Variants in FBXO8 observed in about 807,000 individuals in gnomAD.
FBXO8 encodes F-box protein 8.
A neutral mutation model predicts 33.4 loss-of-function variants in FBXO8; 15 were observed. The observed-to-expected ratio is 0.45, with a 90% CI of 0.30 to 0.69. The LOEUF (loss-of-function observed/expected upper bound fraction) is 0.69. FBXO8 is among the 30% of genes least tolerant of loss of function. FBXO8 has a pLI of 0.08. For synonymous variants in FBXO8, 132 were observed against 131.5 expected (o/e 1.00, Z -0.02); for missense variants, 274 against 380.3 (o/e 0.72, Z 2.32).
At position 174,252,630 on chromosome 4, in the gene FBXO8, T is replaced by G. The variant is rs143553999; in HGVS notation, c.456+7069A>C. 3.5e-3 allele frequency among the ~76,000 whole-genome samples: 537 copies of G among 151,742 alleles called. 2 individuals carry two copies. The highest frequency in any genetic ancestry group is 0.014 in the Middle Eastern group (4 of 294). On this transcript the variant is annotated intron_variant, in intron 3 of 5. Transcript: ENST00000393674. This position sits in a 1 kb window ranked among gnomAD's most constrained non-coding sequence, Gnocchi z 5.1. ...AATGCCTAGAGGTGTACATGACACA[T>G]GTACTTGTGCATGTGAGTGCATGCA...
Position 174,281,147 on chromosome 4 carries a change from G to C in FBXO8, c.-9+2263C>G, listed in dbSNP as rs1355414827. Among the ~76,000 whole-genome samples the C allele has an allele frequency of 6.6e-6, 1 of 152,060 alleles. No homozygotes were observed. The highest frequency in any genetic ancestry group is 1.5e-5 in the Non-Finnish European group (1 of 68,012). On this transcript the variant is annotated intron_variant, in intron 1 of 5. Transcript: ENST00000393674. The surrounding 1 kb of genome is among the most constrained non-coding windows in gnomAD (Gnocchi z 4.6). Reference sequence around the variant, plus strand: ...TTAATAAATAAAAGAAGAGATGATGGCGTGCGTGTGTGTGTATTTAACATC... The same window carrying C: ...TTAATAAATAAAAGAAGAGATGATGCCGTGCGTGTGTGTGTATTTAACATC...
At position 174,239,060 on chromosome 4, in the gene FBXO8, T is replaced by A. The variant is rs137914743; in HGVS notation, c.706A>T (p.Thr236Ser). 3.2e-5 allele frequency: 52 copies of A among 1,607,212 alleles called. No homozygotes were observed. In the African/African-American group the frequency reaches 6.4e-4, roughly 20 times the overall value. ...GCACAGAATCTATGTGAGAACTTTG[T>A]TATAAGAGTTTCAAGATACTCTCCA... is the stretch of plus-strand genomic sequence containing the variant. ...ERGEYLETLI[T>S]KFSHRFCACN... Residue 236 changes from threonine (T) to serine (S), a missense_variant, in exon 5 of 6, where the codon ACA (threonine) becomes TCA (serine). Coordinates refer to ENST00000393674, the MANE Select transcript of FBXO8 (RefSeq NM_012180.3).
At chr4:174,268,640 G>A (rs1266174023) in intron 1 of FBXO8, among the ~76,000 whole-genome samples, 1 of 152,060 alleles carries the variant, frequency 6.6e-6, no homozygotes, top group African/African-American at 2.4e-5. Context: ...GTTTCACCGT[G>A]TTAGCCAGGA....
chr4:174,248,224 C>A lies in FBXO8; in HGVS notation c.457-7006G>T, dbSNP rs114227707. Reference sequence around the variant, plus strand: ...GTTTAACACTGACCTTGAGCACATACATAACAGAAATGTCACACATTGCTT... The same window carrying A: ...GTTTAACACTGACCTTGAGCACATAAATAACAGAAATGTCACACATTGCTT... On this transcript the variant is annotated intron_variant, in intron 3 of 5. Transcript: ENST00000393674. 8.5e-3 allele frequency among the ~76,000 whole-genome samples: 1,288 copies of A among 152,126 alleles called. 21 individuals are homozygous for A. The highest frequency in any genetic ancestry group is 0.03 in the African/African-American group (1,238 of 41,498).
chr4:174,277,200 G>A lies in FBXO8; in HGVS notation c.-9+6210C>T, dbSNP rs1014984475. ...TATACTTTTTAACTTCTAGAAGATC[G>A]TTACATTTCTAAGAGATGGTATTTT... On this transcript the variant is annotated intron_variant, in intron 1 of 5. Coordinates refer to ENST00000393674, the MANE Select transcript of FBXO8 (RefSeq NM_012180.3). This position sits in a 1 kb window ranked among gnomAD's most constrained non-coding sequence, Gnocchi z 4.9. Among the ~76,000 whole-genome samples, 1 of 151,986 alleles carries A rather than the reference G, an allele frequency of 6.6e-6. No individual in the cohort carries two copies. The highest frequency in any genetic ancestry group is 6.6e-5 in the Admixed American group (1 of 15,262).
chr4:174,246,555 G>A (rs1426309050), intron 3 of FBXO8, among the ~76,000 whole-genome samples: 2 of 150,704 alleles, frequency 1.3e-5, no homozygotes, highest in Non-Finnish European at 3.0e-5. Context: ...GTACAAAGGA[G>A]GAAAAAATGG....
rs773096273 is a variant in FBXO8, at chr4:174,259,512, C to T, written c.456+187G>A. On this transcript the variant is annotated intron_variant, in intron 3 of 5. Transcript: ENST00000393674. This position sits in a 1 kb window ranked among gnomAD's most constrained non-coding sequence, Gnocchi z 4.3. ...AAGTGAACAGGTAGAAAGGTTAGAA[C>T]GTGACATGGTAAGGCGAAGAAAAAT... Among the ~76,000 whole-genome samples the T allele has an allele frequency of 8.6e-5, 13 of 151,978 alleles. No individual in the cohort carries two copies. The highest frequency in any genetic ancestry group is 1.9e-4 in the African/African-American group (8 of 41,414).
Position 174,274,023 on chromosome 4 carries a change from C to T in FBXO8, c.-9+9387G>A, listed in dbSNP as rs1434991704. Among the ~76,000 whole-genome samples the T allele has an allele frequency of 1.3e-5, 2 of 152,106 alleles. No individual in the cohort carries two copies. The highest frequency in any genetic ancestry group is 6.5e-5 in the Admixed American group (1 of 15,268). On this transcript the variant is annotated intron_variant, in intron 1 of 5. Transcript: ENST00000393674. This position sits in a 1 kb window ranked among gnomAD's most constrained non-coding sequence, Gnocchi z 4.0. ...TGAGTCCAAAGCTTTTATTCTTAACCCACAAACCATATTCCCAGAACCGCT... is the reference window on the plus strand; with the variant it reads ...TGAGTCCAAAGCTTTTATTCTTAACTCACAAACCATATTCCCAGAACCGCT...
rs1250467959 is a variant in FBXO8, at chr4:174,257,971, G to A, written c.456+1728C>T. Among the ~76,000 whole-genome samples the A allele has an allele frequency of 6.6e-6, 1 of 152,000 alleles. No homozygotes were observed. On this transcript the variant is annotated intron_variant, in intron 3 of 5. Coordinates refer to ENST00000393674, the MANE Select transcript of FBXO8 (RefSeq NM_012180.3). The surrounding 1 kb of genome is among the most constrained non-coding windows in gnomAD (Gnocchi z 4.3). ...TCAAACTCTTGGGCTCAAGTGGTCC[G>A]CCTGCCTCAGACTCCTGGAGTGCTG... is the stretch of plus-strand genomic sequence containing the variant.
In FBXO8 at chr4:174,239,169, A is replaced by G. The variant is rs746720094; in HGVS notation, c.597T>C (p.Leu199=). 7 of 1,585,366 alleles carry G rather than the reference A, an allele frequency of 4.4e-6. No homozygotes were observed. Among genetic ancestry groups the G allele is most frequent in the Non-Finnish European group, 6.0e-6 (7 of 1,164,574 alleles). ...GATTTCTAAAATTATGCAATGTTACAAGGTCATCCAAGACATCTCTCCTAC... is the reference window on the plus strand; with the variant it reads ...GATTTCTAAAATTATGCAATGTTACGAGGTCATCCAAGACATCTCTCCTAC... ...LDERRDVLDD[L]VTLHNFRNQF... Residue 199 remains leucine, a synonymous_variant, in exon 5 of 6, where the codon CTT becomes CTC. Coordinates refer to ENST00000393674, the MANE Select transcript of FBXO8 (RefSeq NM_012180.3).
intron 1 of FBXO8, among the ~76,000 whole-genome samples, chr4:174,279,478 CG>C (rs1282726438): frequency 1.3e-5 from 2 of 152,100 alleles, no homozygotes; most frequent in East Asian, 3.9e-4. Context: ...ATTATAATGA[CG>C]TTTTTTGCAT....
chr4:174,250,365 C>A (rs546146416), intron 3 of FBXO8, among the ~76,000 whole-genome samples: 11 of 152,036 alleles, frequency 7.2e-5, no homozygotes, highest in African/African-American at 2.6e-4. Flanking sequence ...AAAAACAACC[C>A]CCTTCCATAA....
chr4:174,252,498 C>G lies in FBXO8; in HGVS notation c.456+7201G>C, dbSNP rs967118554. On this transcript the variant is annotated intron_variant, in intron 3 of 5. Transcript: ENST00000393674. This position sits in a 1 kb window ranked among gnomAD's most constrained non-coding sequence, Gnocchi z 5.1. ...GTTGTTGGGCTCACAGATAGCATCA[C>G]AGACCCAATTCTTTCTTTCCAGTCT... Among the ~76,000 whole-genome samples the G allele has an allele frequency of 3.9e-5, 6 of 152,136 alleles. No homozygotes were observed. In the South Asian group the frequency reaches 1.2e-3, roughly 32 times the overall value.
At position 174,281,494 on chromosome 4, in the gene FBXO8, C is replaced by G. The variant is rs1435895898; in HGVS notation, c.-9+1916G>C. 6.6e-6 allele frequency among the ~76,000 whole-genome samples: 1 copy of G among 152,142 alleles called. No homozygotes were observed. Among genetic ancestry groups the G allele is most frequent in the Non-Finnish European group, 1.5e-5 (1 of 68,036 alleles). On this transcript the variant is annotated intron_variant, in intron 1 of 5. Transcript: ENST00000393674. The surrounding 1 kb of genome is among the most constrained non-coding windows in gnomAD (Gnocchi z 4.6). ...GGAGGATCGCTTGAGCTCAGGACTT[C>G]AAGACCAGCCTGGGCAGCACAGTCA...
At position 174,265,012 on chromosome 4, in the gene FBXO8, T is replaced by C. The variant is rs1736660325; in HGVS notation, c.-8-1912A>G. 6.6e-6 allele frequency among the ~76,000 whole-genome samples: 1 copy of C among 152,000 alleles called. No homozygotes were observed. Among genetic ancestry groups the C allele is most frequent in the African/African-American group, 2.4e-5 (1 of 41,380 alleles). On this transcript the variant is annotated intron_variant, in intron 1 of 5. Transcript: ENST00000393674. The surrounding 1 kb of genome is among the most constrained non-coding windows in gnomAD (Gnocchi z 4.7). ...AATACACAAATGGCAAATAAGCACA[T>C]GAAAAGATGCTCAACATCATATGTC...
In FBXO8 at chr4:174,270,421, A is replaced by G. The variant is rs1736812224; in HGVS notation, c.-8-7321T>C. 6.6e-6 allele frequency among the ~76,000 whole-genome samples: 1 copy of G among 152,138 alleles called. No homozygotes were observed. ...TTCCTACTTAGCTAAAGGTCCTTTT[A>G]TAGAGCAAACAGCCACTATCACCCC... On this transcript the variant is annotated intron_variant, in intron 1 of 5. Transcript: ENST00000393674. This position sits in a 1 kb window ranked among gnomAD's most constrained non-coding sequence, Gnocchi z 4.6.
rs544816411 is a variant in FBXO8 at position 174,237,617 on chromosome 4, C to G, written c.773-18G>C. 1.1e-5 allele frequency: 18 copies of G among 1,576,524 alleles called. No individual in the cohort carries two copies. The East Asian group carries it at 3.9e-4, about 34-fold the overall frequency. The stretch of plus-strand genomic sequence containing the variant: ...GACAGCATCTGGAAAGAAAAAGAAA[C>G]AGTTCAAATTATTAGTTGGTTTACA... On this transcript the variant is annotated intron_variant, in intron 5 of 5. Coordinates refer to ENST00000393674, the MANE Select transcript of FBXO8 (RefSeq NM_012180.3). This position sits in a 1 kb window ranked among gnomAD's most constrained non-coding sequence, Gnocchi z 4.4.
rs1368799386 is a variant in FBXO8, at chr4:174,254,403, T to C, written c.456+5296A>G. 2.6e-5 allele frequency among the ~76,000 whole-genome samples: 4 copies of C among 152,078 alleles called. No individual in the cohort carries two copies. The highest frequency in any genetic ancestry group is 2.1e-4 in the South Asian group (1 of 4,830). ...GAACTAAGGATAAAACCTCAAAAGG[T>C]AGTATATTTTCTAAAGTAAAAAGTA... On this transcript the variant is annotated intron_variant, in intron 3 of 5. Transcript: ENST00000393674. The surrounding 1 kb of genome is among the most constrained non-coding windows in gnomAD (Gnocchi z 4.2).
At chr4:174,238,776 C>T (rs954875891) in intron 5 of FBXO8, among the ~76,000 whole-genome samples, 60 of 144,316 alleles carry the variant, frequency 4.2e-4, no homozygotes, top group Middle Eastern at 3.6e-3. Flanking sequence ...TATATATACA[C>T]ACACACACAC....
Sources: allele counts gnomAD v4.1 joint callset (sites outside exome capture counted in the v4.1 genomes callset), GRCh38; gene constraint gnomAD v4.1.1; non-coding constraint Gnocchi (gnomAD v3.1); transcripts MANE v1.5; gene names NCBI Gene and HGNC (gene_info 2026-07-23, HGNC 2026-07-21).